Variants in TNNI3K observed in about 807,000 individuals in gnomAD.
TNNI3K encodes serine/threonine-protein kinase TNNI3K.
A neutral mutation model predicts 114.5 loss-of-function variants in TNNI3K; 140 were observed. That is an observed-to-expected ratio of 1.22 (90% confidence interval 1.07 to 1.41). The LOEUF (loss-of-function observed/expected upper bound fraction) is 1.41. Ranked by LOEUF, TNNI3K falls within the 40% of genes most tolerant of loss-of-function variation. The probability of loss-of-function intolerance (pLI) is 0.00; values close to 1 mark genes in which losing one functional copy is unlikely to be tolerated. For synonymous variants in TNNI3K, 347 were observed against 347.5 expected, an observed-to-expected ratio of 1.00 and a Z score of 0.02; for missense variants, 1,125 against 1,007.6, an observed-to-expected ratio of 1.12 and a Z score of -1.58.
In TNNI3K at chr1:74,313,288, A is replaced by G. The variant is rs938128943; in HGVS notation, c.445-18162A>G. On this transcript the variant is annotated intron_variant, in intron 5 of 24. Transcript: ENST00000326637. ...TCTTCTCTCACCACGTTGACATCAC[A>G]TATTTTATTTATCCACTCTATACAG... Among the ~76,000 whole-genome samples the G allele has an allele frequency of 1.2e-4, 18 of 152,248 alleles. 1 individual carries two copies. In the South Asian group the frequency reaches 2.3e-3, roughly 19 times the overall value.
intron 5 of TNNI3K, among the ~76,000 whole-genome samples, chr1:74,315,644 A>G (rs1659264616): frequency 6.6e-6 from 1 of 152,038 alleles, no homozygotes. Flanking sequence ...AGCTATGATT[A>G]TAAATAAACT....
At chr1:74,387,898 G>A (rs909317366) in intron 17 of TNNI3K, among the ~76,000 whole-genome samples, 1 of 152,060 alleles carries the variant, frequency 6.6e-6, no homozygotes, top group Non-Finnish European at 1.5e-5. Flanking sequence ...ATCTTAAATG[G>A]TTCTAGAAAT....
At chr1:74,474,977 A>AC (rs1197301253) in intron 21 of TNNI3K, among the ~76,000 whole-genome samples, 2 of 149,096 alleles carry the variant, frequency 1.3e-5, no homozygotes, top group Admixed American at 6.8e-5. Flanking sequence ...ATAGATCTTA[A>AC]CAGCACTATT....
At chr1:74,372,089 TAAGAAAAAA>T (rs752595177) in intron 17 of TNNI3K, 14 of 32,782 alleles carry the variant, frequency 4.3e-4, no homozygotes, top group Non-Finnish European at 1.2e-3. Context: ...AGATAGTTTT[TAAGAAAAAA>T]AAAAAAAAAA....
chr1:74,235,848 C>G (rs903500620), intron 1 of TNNI3K, among the ~76,000 whole-genome samples: 2 of 151,050 alleles, frequency 1.3e-5, no homozygotes, highest in South Asian at 4.2e-4. Flanking sequence ...GCAATAAAAT[C>G]AAATGAAATA....
intron 4 of TNNI3K, among the ~76,000 whole-genome samples, chr1:74,255,298 G>A (rs1655209258): frequency 6.8e-6 from 1 of 147,982 alleles, no homozygotes; most frequent in Admixed American, 6.8e-5. Context: ...AGCTTGCAGT[G>A]AGCCGAGATC....
At chr1:74,249,635 A>G in intron 3 of TNNI3K, 91 bp downstream of exon 3, 3 of 1,257,256 alleles carry the variant, frequency 2.4e-6, no homozygotes, top group Non-Finnish European at 3.2e-6. Context: ...AAAGAATTCT[A>G]TTCATACTCA....
chr1:74,399,619 G>A (rs1187798870), intron 17 of TNNI3K, among the ~76,000 whole-genome samples: 1 of 152,170 alleles, frequency 6.6e-6, no homozygotes, highest in Non-Finnish European at 1.5e-5. Flanking sequence ...CAAGAGACTG[G>A]TAAAAGAATC....
At chr1:74,360,236 T>C (rs982602679) in intron 11 of TNNI3K, among the ~76,000 whole-genome samples, 2 of 151,950 alleles carry the variant, frequency 1.3e-5, no homozygotes, top group African/African-American at 4.8e-5. Flanking sequence ...ATATTCAAGG[T>C]GCAAATAAGG....
chr1:74,470,778 T>C (rs1667888130), intron 21 of TNNI3K: 1 of 400,718 alleles, frequency 2.5e-6, no homozygotes, highest in Non-Finnish European at 4.4e-6. Context: ...AGGCTTCATT[T>C]TGGTCTAAAG....
In TNNI3K at chr1:74,295,792, CTA is replaced by C. The variant is rs1657942896; in HGVS notation, c.444+24085_444+24086del. Among the ~76,000 whole-genome samples the C allele has an allele frequency of 2.0e-5, 3 of 152,076 alleles. No individual in the cohort carries two copies. The South Asian group carries it at 6.2e-4, about 32-fold the overall frequency. ...AATATTCGTATTTTAAAATTTGAGA[CTA>C]ATAATATTCCGTCTGTTTATTTAAT... On this transcript the variant is annotated intron_variant, in intron 5 of 24. Coordinates refer to ENST00000326637, the MANE Select transcript of TNNI3K (RefSeq NM_015978.3).
chr1:74,522,821 A>AG (rs45481692), intron 23 of TNNI3K, among the ~76,000 whole-genome samples: 5,931 of 152,246 alleles, frequency 0.039, 380 homozygotes, highest in African/African-American at 0.13. Context: ...CCCTGGCTTT[A>AG]TGGAAACTTT....
intron 17 of TNNI3K, among the ~76,000 whole-genome samples, chr1:74,389,372 T>C (rs1663645435): frequency 6.6e-6 from 1 of 152,220 alleles, no homozygotes; most frequent in Non-Finnish European, 1.5e-5. Flanking sequence ...CACATAAAGA[T>C]GTTGAAACTG....
At chr1:74,351,549 T>C (rs937383661) in intron 9 of TNNI3K, among the ~76,000 whole-genome samples, 20 of 152,174 alleles carry the variant, frequency 1.3e-4, no homozygotes, top group African/African-American at 4.8e-4. Context: ...CTGGATAATA[T>C]CCTGCAGAGT....
At chr1:74,303,616 C>G (rs541934386) in intron 5 of TNNI3K, among the ~76,000 whole-genome samples, 30 of 152,206 alleles carry the variant, frequency 2.0e-4, no homozygotes, top group Non-Finnish European at 3.5e-4. Flanking sequence ...GCTTTCCTGC[C>G]TGCAAAAACA....
intron 17 of TNNI3K, among the ~76,000 whole-genome samples, chr1:74,377,597 A>G (rs544327402): frequency 6.6e-6 from 1 of 152,160 alleles, no homozygotes; most frequent in Non-Finnish European, 1.5e-5. Context: ...ATATAAAGAG[A>G]AGGATTCATA....
At chr1:74,539,877 G>C (rs1646705750) in intron 23 of TNNI3K, among the ~76,000 whole-genome samples, 1 of 151,762 alleles carries the variant, frequency 6.6e-6, no homozygotes, top group African/African-American at 2.4e-5. Context: ...TTATTACTAA[G>C]ATAATAATGT....
chr1:74,334,179 G>T (rs35937147), intron 6 of TNNI3K, among the ~76,000 whole-genome samples: 44,286 of 152,094 alleles, frequency 0.29, 7,918 homozygotes, highest in Middle Eastern at 0.43. Flanking sequence ...TAAACAATTT[G>T]TTCAAAGCAA....
intron 23 of TNNI3K, among the ~76,000 whole-genome samples, chr1:74,502,948 A>G (rs1166417893): frequency 6.6e-6 from 1 of 152,200 alleles, no homozygotes; most frequent in African/African-American, 2.4e-5. Context: ...AAAAGGATGA[A>G]CTTCTTCCTT....
Sources: allele counts gnomAD v4.1 joint callset (sites outside exome capture counted in the v4.1 genomes callset), GRCh38; gene constraint gnomAD v4.1.1; transcripts MANE v1.5; gene names NCBI Gene and HGNC (gene_info 2026-07-23, HGNC 2026-07-21).